ACOXL: variants seen among roughly 807,000 people sequenced by gnomAD.
The protein encoded by ACOXL is acyl-CoA oxidase like, also known as acyl-coenzyme A oxidase-like protein.
Under a neutral mutation model 71.9 loss-of-function variants are expected in ACOXL, and 70 were observed. That is an observed-to-expected ratio of 0.97 (90% CI 0.80 to 1.19). The LOEUF (loss-of-function observed/expected upper bound fraction) is 1.19. Ranked by LOEUF, ACOXL falls within the 50% of genes most tolerant of loss-of-function variation. The pLI, the probability that ACOXL is intolerant of heterozygous loss-of-function variation, is 0.00. For synonymous variants in ACOXL, 253 were observed against 281.6 expected (o/e 0.90, Z 1.02); for missense variants, 703 against 736.3 (o/e 0.95, Z 0.52).
intron 12 of ACOXL, among the ~76,000 whole-genome samples, chr2:110,976,562 G>A (rs1474889589): frequency 2.0e-5 from 3 of 152,328 alleles, no homozygotes; most frequent in East Asian, 3.9e-4. Context: ...TGGATGAACT[G>A]CAGGAAAGCA....
intron 13 of ACOXL, among the ~76,000 whole-genome samples, chr2:110,995,523 T>TAAAAA (rs1450667455): frequency 2.4e-5 from 1 of 42,444 alleles, no homozygotes; most frequent in Non-Finnish European, 5.2e-5. Flanking sequence ...AAAAAAGAAT[T>TAAAAA]GTATAATGAT....
At chr2:110,753,758 G>C (rs1679308980) in intron 1 of ACOXL, among the ~76,000 whole-genome samples, 1 of 152,108 alleles carries the variant, frequency 6.6e-6, no homozygotes, top group South Asian at 2.1e-4. Flanking sequence ...TCAGGTCATG[G>C]GATAGGTATC....
chr2:110,975,333 C>T (rs1457492483), intron 12 of ACOXL, among the ~76,000 whole-genome samples: 3 of 152,226 alleles, frequency 2.0e-5, no homozygotes, highest in African/African-American at 4.8e-5. Flanking sequence ...TCTGGGCACA[C>T]CGTCCACCTA....
At chr2:110,913,842 C>T (rs761681747) in intron 11 of ACOXL, among the ~76,000 whole-genome samples, 90 of 152,244 alleles carry the variant, frequency 5.9e-4, no homozygotes, top group Non-Finnish European at 9.6e-4. Context: ...AGGTACCACA[C>T]ACTTGAAACA....
intron 16 of ACOXL, among the ~76,000 whole-genome samples, chr2:111,050,262 TAA>T (rs376587703): frequency 1.4e-5 from 2 of 144,260 alleles, no homozygotes; most frequent in African/African-American, 5.1e-5. Flanking sequence ...TTTTGGTCTT[TAA>T]AAAAAAAAAA....
chr2:110,736,641 A>G (rs1404875997), intron 1 of ACOXL, among the ~76,000 whole-genome samples: 3 of 136,698 alleles, frequency 2.2e-5, no homozygotes, highest in Non-Finnish European at 4.6e-5. Flanking sequence ...TTTTTTTGAG[A>G]CGGAGTCTCG....
chr2:111,099,516 G>A (rs1028696589), intron 17 of ACOXL: 1 of 152,252 alleles, frequency 6.6e-6, no homozygotes, highest in Non-Finnish European at 1.5e-5. Context: ...TGTCTCCCTA[G>A]CTGGGGAGGA....
chr2:110,923,533 G>A (rs982719961), intron 11 of ACOXL, among the ~76,000 whole-genome samples: 11 of 152,150 alleles, frequency 7.2e-5, no homozygotes, highest in African/African-American at 2.4e-4. Context: ...TAGGTGAGCA[G>A]GAAATGGACA....
At chr2:111,042,326 A>G (rs1032364767) in intron 15 of ACOXL, among the ~76,000 whole-genome samples, 1 of 152,238 alleles carries the variant, frequency 6.6e-6, no homozygotes, top group South Asian at 2.1e-4. Context: ...ACGCTTTTCA[A>G]TCCAGCAGAG....
chr2:111,027,304 G>A (rs1202677423), intron 14 of ACOXL, among the ~76,000 whole-genome samples: 1 of 149,738 alleles, frequency 6.7e-6, no homozygotes, highest in Non-Finnish European at 1.5e-5. Flanking sequence ...TTACTATTCT[G>A]TTGATTTAAA....
At chr2:110,815,556 A>G (rs943936344) in intron 9 of ACOXL, among the ~76,000 whole-genome samples, 3 of 152,206 alleles carry the variant, frequency 2.0e-5, no homozygotes, top group Non-Finnish European at 4.4e-5. Context: ...TTTAAAATGT[A>G]TGTGCTGCCA....
intron 12 of ACOXL, among the ~76,000 whole-genome samples, chr2:110,978,286 T>C (rs1389734049): frequency 6.6e-6 from 1 of 152,058 alleles, no homozygotes; most frequent in Admixed American, 6.5e-5. Context: ...GAGAAAGGGG[T>C]GAACTCACTC....
chr2:111,049,783 A>G (rs954728469), intron 16 of ACOXL, among the ~76,000 whole-genome samples: 1 of 151,896 alleles, frequency 6.6e-6, no homozygotes, highest in African/African-American at 2.4e-5. Context: ...GTGGAAGACA[A>G]GCTTCTTCCC....
intron 3 of ACOXL, among the ~76,000 whole-genome samples, chr2:110,790,734 T>A (rs1203718752): frequency 3.9e-5 from 6 of 152,260 alleles, no homozygotes; most frequent in Admixed American, 3.3e-4. Context: ...GAGGACACTC[T>A]GCGACATTCC....
At chr2:111,108,914 G>A (rs997757176) in intron 17 of ACOXL, among the ~76,000 whole-genome samples, 3 of 152,314 alleles carry the variant, frequency 2.0e-5, no homozygotes, top group Admixed American at 2.0e-4. Flanking sequence ...CTTTTGCTCA[G>A]TATAATGTTT....
At chr2:110,886,103 A>G (rs912742043) in intron 10 of ACOXL, among the ~76,000 whole-genome samples, 4 of 152,252 alleles carry the variant, frequency 2.6e-5, no homozygotes, top group African/African-American at 9.6e-5. Context: ...ACCCATATAT[A>G]TACATGCACG....
At chr2:111,095,939 G>A (rs556209672) in intron 17 of ACOXL, among the ~76,000 whole-genome samples, 127 of 152,258 alleles carry the variant, frequency 8.3e-4, no homozygotes, top group African/African-American at 2.9e-3. Context: ...CTTTCCCACT[G>A]CCACCATACC....
At chr2:111,082,697 G>T (rs967598763) in intron 16 of ACOXL, among the ~76,000 whole-genome samples, 1 of 152,066 alleles carries the variant, frequency 6.6e-6, no homozygotes, top group Non-Finnish European at 1.5e-5. Flanking sequence ...TATACCCAAA[G>T]GATTATAAAT....
intron 15 of ACOXL, among the ~76,000 whole-genome samples, chr2:111,035,128 A>T (rs575909710): frequency 2.2e-4 from 33 of 152,166 alleles, no homozygotes; most frequent in African/African-American, 7.7e-4. Flanking sequence ...GGCCTCCCAA[A>T]GTGCTGGGAT....
Sources: gnomAD v4.1 joint callset for allele counts (sites outside exome capture counted in the v4.1 genomes callset) on GRCh38, gnomAD v4.1.1 for gene constraint, MANE v1.5 for transcripts, NCBI Gene and HGNC (gene_info 2026-07-23, HGNC 2026-07-21) for gene names.